PSMB9: variants seen among roughly 807,000 people sequenced by gnomAD.
PSMB9 encodes proteasome subunit beta type-9.
Under a neutral mutation model 26.9 loss-of-function variants are expected in PSMB9, and 16 were observed. The ratio of observed to expected loss-of-function variants is 0.59; its 90% CI spans 0.40 to 0.90. The LOEUF is 0.90. PSMB9 is among the 40% of genes least tolerant of loss of function. The probability of loss-of-function intolerance (pLI) is 0.00; values close to 1 mark genes in which losing one functional copy is unlikely to be tolerated. For missense variants in PSMB9, 253 were observed against 292.2 expected (o/e 0.87, Z 0.98); for synonymous variants, 91 against 112.0 (o/e 0.81, Z 1.18).
chr6:32,856,248 G>A (rs1771155146), intron 2 of PSMB9, 43 bp downstream of exon 2: 2 of 1,563,532 alleles, frequency 1.3e-6, no homozygotes, highest in Non-Finnish European at 8.8e-7. Context: ...AGAAGCTAAT[G>A]GCCTCAAATA....
intron 3 of PSMB9, chr6:32,857,613 G>A (rs907978178): frequency 4.0e-5 from 22 of 547,628 alleles, no homozygotes; most frequent in African/African-American, 4.0e-4. Context: ...TTCTATATGT[G>A]AACACAGTTT....
rs560987199 is a variant in PSMB9 at position 32,858,478 on chromosome 6, G to T, written c.505G>T (p.Glu169Ter). 2 of 1,612,992 alleles carry T rather than the reference G, an allele frequency of 1.2e-6. No individual in the cohort carries two copies. Among genetic ancestry groups the T allele is most frequent in the East Asian group, 2.2e-5 (1 of 44,882 alleles). The change falls in exon 5 of 6, where the codon GAG (glutamate) becomes TAG (stop). Residue 169 changes from glutamate to a stop codon, truncating the protein, a stop_gained. Coordinates refer to ENST00000374859, the MANE Select transcript of PSMB9 (RefSeq NM_002800.5). LOFTEE classifies it high-confidence loss of function. The surrounding 1 kb of genome is among the most constrained non-coding windows in gnomAD (Gnocchi z 5.2). ...AGCATATAAGCCAGGCATGTCTCCC[G>T]AGGAGTGCAGGCGCTTCACCACAGA... ...DAAYKPGMSP[E>*]ECRRFTTDAI...
chr6:32,858,434 T>G lies in PSMB9; in HGVS notation c.461T>G (p.Ile154Ser). The stretch of plus-strand genomic sequence containing the variant: ...ATTGGTGGCTCCGGCAGCACCTTTA[T>G]CTATGGTTATGTGGATGCAGCATAT... Reference protein sequence around the residue: ...FAIGGSGSTFIYGYVDAAYKP... With the variant: ...FAIGGSGSTFSYGYVDAAYKP... The change falls in exon 5 of 6, where the codon ATC becomes AGC. Residue 154 changes from isoleucine (I) to serine (S), a missense_variant. Transcript: ENST00000374859. The surrounding 1 kb of genome is among the most constrained non-coding windows in gnomAD (Gnocchi z 5.2). The G allele has an allele frequency of 6.2e-7, 1 of 1,613,030 alleles. No homozygotes were observed. The highest frequency in any genetic ancestry group is 1.7e-4 in the Middle Eastern group (1 of 6,054).
In PSMB9 at chr6:32,858,363, G is replaced by T. The variant is rs951011512; in HGVS notation, c.391-1G>T. On this transcript the variant is annotated splice_acceptor_variant, in intron 4 of 5. Transcript: ENST00000374859. LOFTEE classifies it high-confidence loss of function. The surrounding 1 kb of genome is among the most constrained non-coding windows in gnomAD (Gnocchi z 5.2). ...CTTTAACCTGAGGATCCCTTTCCCA[G>T]GTATATGGAACCCTGGGAGGAATGC... is the stretch of plus-strand genomic sequence containing the variant. The T allele has an allele frequency of 6.2e-7, 1 of 1,612,784 alleles. No individual in the cohort carries two copies. Among genetic ancestry groups the T allele is most frequent in the Non-Finnish European group, 8.5e-7 (1 of 1,179,930 alleles).
At chr6:32,855,472 A>C (rs996174259) in intron 1 of PSMB9, among the ~76,000 whole-genome samples, 1 of 152,140 alleles carries the variant, frequency 6.6e-6, no homozygotes, top group African/African-American at 2.4e-5. Flanking sequence ...TCTTGGTACA[A>C]ATTTACCTCC....
rs761593979 is a variant in PSMB9 at position 32,858,040 on chromosome 6, C to T, written c.296C>T (p.Ala99Val). 18 of 1,612,958 alleles carry T rather than the reference C, an allele frequency of 1.1e-5. No homozygotes were observed. Among genetic ancestry groups the T allele is most frequent in the Non-Finnish European group, 1.5e-5 (18 of 1,180,040 alleles). Reference sequence around the variant, plus strand: ...GAGGAACCTCCACTTGTTTTGGCTGCTGCAAATGTGGTGAGAAATATCAGC... The same window carrying T: ...GAGGAACCTCCACTTGTTTTGGCTGTTGCAAATGTGGTGAGAAATATCAGC... Reference protein sequence around the residue: ...ELEEPPLVLAAANVVRNISYK... With the variant: ...ELEEPPLVLAVANVVRNISYK... The change falls in exon 4 of 6, where the codon GCT (alanine) becomes GTT (valine). Residue 99 changes from alanine (A) to valine (V), a missense_variant. Physicochemically the swap from Ala to Val is moderately conservative, Grantham distance 64 (BLOSUM62 0). Transcript: ENST00000374859. The surrounding 1 kb of genome is among the most constrained non-coding windows in gnomAD (Gnocchi z 5.2).
chr6:32,857,050 A>G (rs1378742638), intron 2 of PSMB9: 2 of 426,872 alleles, frequency 4.7e-6, no homozygotes, highest in Non-Finnish European at 4.1e-6. Flanking sequence ...AAATACAAAC[A>G]TTAGCTGGGC....
Position 32,858,491 on chromosome 6 carries a change from G to A in PSMB9, c.518G>A (p.Arg173His), listed in dbSNP as rs142488085. 207 of 1,612,964 alleles carry A rather than the reference G, an allele frequency of 1.3e-4. 1 individual carries two copies. In the African/African-American group the frequency reaches 2.3e-3, roughly 18 times the overall value. ...KPGMSPEECR[R>H]FTTDAIALAM... ...GGCATGTCTCCCGAGGAGTGCAGGC[G>A]CTTCACCACAGACGGTAACCAGCCA... Residue 173 changes from arginine (R) to histidine (H), a missense_variant, in exon 5 of 6, where the codon CGC becomes CAC. Coordinates refer to ENST00000374859, the MANE Select transcript of PSMB9 (RefSeq NM_002800.5). The surrounding 1 kb of genome is among the most constrained non-coding windows in gnomAD (Gnocchi z 5.2).
Position 32,854,302 on chromosome 6 carries a change from G to A in PSMB9, c.60+13G>A, listed in dbSNP as rs764729697. On this transcript the variant is annotated intron_variant, in intron 1 of 5. Transcript: ENST00000374859. The surrounding 1 kb of genome is among the most constrained non-coding windows in gnomAD (Gnocchi z 4.6). ...AGTCCACACCGGGGTAATGGGTCTGGGCTTGAGGGTTGGCAGAGGGGTGGA... is the reference window on the plus strand; with the variant it reads ...AGTCCACACCGGGGTAATGGGTCTGAGCTTGAGGGTTGGCAGAGGGGTGGA... The A allele has an allele frequency of 5.8e-5, 86 of 1,477,936 alleles. No individual in the cohort carries two copies. The highest frequency in any genetic ancestry group is 4.6e-4 in the South Asian group (34 of 73,182). 91.6% of individuals were successfully genotyped at this position (1,477,936 alleles called of 1,614,324 possible). A position where few individuals can be genotyped will look rare whatever the true frequency, so the allele number is the denominator to read the frequency against.
At position 32,859,613 on chromosome 6, in the gene PSMB9, C is replaced by G. The variant is rs926092054; in HGVS notation, c.*81C>G. The G allele has an allele frequency of 1.3e-6, 2 of 1,516,900 alleles. No individual in the cohort carries two copies. Among genetic ancestry groups the G allele is most frequent in the Non-Finnish European group, 1.8e-6 (2 of 1,113,046 alleles). The allele number at this position is 1,516,900 out of a possible 1,614,324, so 94.0% of individuals were successfully genotyped here. A position where few individuals can be genotyped will look rare whatever the true frequency, so the allele number is the denominator to read the frequency against. ...TGGTATGGTCATTGGGAAATGAGTG[C>G]TCAGGGAGATGGAGCTTAGGGGAGG... is the stretch of plus-strand genomic sequence containing the variant. On this transcript the variant is annotated 3_prime_UTR_variant, in exon 6 of 6. Coordinates refer to ENST00000374859, the MANE Select transcript of PSMB9 (RefSeq NM_002800.5).
chr6:32,856,361 G>A (rs1300244386), intron 2 of PSMB9, 156 bp downstream of exon 2: 3 of 698,880 alleles, frequency 4.3e-6, no homozygotes, highest in Non-Finnish European at 7.2e-6. Context: ...TTTGGTGGGT[G>A]CTTGGGTCTC....
At chr6:32,856,643 A>G (rs961338461) in intron 2 of PSMB9, 2 of 162,362 alleles carry the variant, frequency 1.2e-5, no homozygotes, top group African/African-American at 4.8e-5. Context: ...GGTCAATATT[A>G]CTGACATTAT....
At position 32,857,302 on chromosome 6, in the gene PSMB9, G is replaced by T. The variant is rs750768995; in HGVS notation, c.168G>T (p.Pro56=). 6.2e-7 allele frequency: 1 copy of T among 1,608,320 alleles called. No homozygotes were observed. The highest frequency in any genetic ancestry group is 1.3e-5 in the African/African-American group (1 of 74,478). Residue 56 remains proline, a synonymous_variant, in exon 3 of 6, where the codon CCG becomes CCT. Coordinates refer to ENST00000374859, the MANE Select transcript of PSMB9 (RefSeq NM_002800.5). Reference sequence around the variant, plus strand: ...ACCGAGTGTTTGACAAGCTGTCCCCGCTGCACGAGCGCATCTACTGTGCAC... The same window carrying T: ...ACCGAGTGTTTGACAAGCTGTCCCCTCTGCACGAGCGCATCTACTGTGCAC... ...VVNRVFDKLS[P]LHERIYCALS...
chr6:32,855,812 G>T (rs116053981), intron 1 of PSMB9, among the ~76,000 whole-genome samples: 2 of 152,140 alleles, frequency 1.3e-5, no homozygotes, highest in Non-Finnish European at 2.9e-5. Context: ...TTTCACTTGC[G>T]GAGCTGCTTC....
intron 1 of PSMB9, among the ~76,000 whole-genome samples, chr6:32,855,769 G>A (rs879346845): frequency 6.6e-6 from 1 of 151,980 alleles, no homozygotes; most frequent in Non-Finnish European, 1.5e-5. Context: ...CACCACATCT[G>A]CACATACTAT....
In PSMB9 at chr6:32,858,485, G is replaced by T; in HGVS notation, c.512G>T (p.Cys171Phe). The T allele has an allele frequency of 1.9e-6, 3 of 1,613,018 alleles. No homozygotes were observed. The highest frequency in any genetic ancestry group is 2.5e-6 in the Non-Finnish European group (3 of 1,180,032). Reference protein sequence around the residue: ...AYKPGMSPEECRRFTTDAIAL... With the variant: ...AYKPGMSPEEFRRFTTDAIAL... ...AAGCCAGGCATGTCTCCCGAGGAGT[G>T]CAGGCGCTTCACCACAGACGGTAAC... The change falls in exon 5 of 6, where the codon TGC becomes TTC. Residue 171 changes from cysteine to phenylalanine, a missense_variant. Physicochemically the swap from Cys to Phe is radical, Grantham distance 205. Coordinates refer to ENST00000374859, the MANE Select transcript of PSMB9 (RefSeq NM_002800.5). The surrounding 1 kb of genome is among the most constrained non-coding windows in gnomAD (Gnocchi z 5.2).
chr6:32,857,748 CT>C, intron 3 of PSMB9: 1 of 560,922 alleles, frequency 1.8e-6, no homozygotes. Context: ...ACCTTATCTG[CT>C]TTTCCCCATA....
rs1771048426 is a variant in PSMB9, at chr6:32,854,389, G to C, written c.60+100G>C. Reference sequence around the variant, plus strand: ...CGGAGAAGTGAATGCAGAGACCAACGGGAGCGCAGGGAGGTCGCCTGTAGC... The same window carrying C: ...CGGAGAAGTGAATGCAGAGACCAACCGGAGCGCAGGGAGGTCGCCTGTAGC... On this transcript the variant is annotated intron_variant, in intron 1 of 5. Transcript: ENST00000374859. This position sits in a 1 kb window ranked among gnomAD's most constrained non-coding sequence, Gnocchi z 4.6. 8.7e-7 allele frequency: 1 copy of C among 1,150,150 alleles called. No individual in the cohort carries two copies. The highest frequency in any genetic ancestry group is 1.2e-6 in the Non-Finnish European group (1 of 842,652). 71.2% of individuals were successfully genotyped at this position (1,150,150 alleles called of 1,614,324 possible).
intron 2 of PSMB9, 170 bp from the exon 3 acceptor site, chr6:32,857,093 G>A (rs764134917): frequency 4.5e-5 from 26 of 581,494 alleles, no homozygotes; most frequent in Admixed American, 7.6e-5. Flanking sequence ...CCAGCTATTC[G>A]GGAGGCTGAG....
Sources: allele counts gnomAD v4.1 joint callset (sites outside exome capture counted in the v4.1 genomes callset), GRCh38; gene constraint gnomAD v4.1.1; non-coding constraint Gnocchi (gnomAD v3.1); transcripts MANE v1.5; gene names NCBI Gene and HGNC (gene_info 2026-07-23, HGNC 2026-07-21).